Variants in RBMS3 observed in about 807,000 individuals in gnomAD.
RBMS3 encodes RNA-binding motif, single-stranded-interacting protein 3.
Under a neutral mutation model 66.8 loss-of-function variants are expected in RBMS3, and 27 were observed. The observed-to-expected ratio is 0.40, with a 90% CI of 0.30 to 0.56. RBMS3 has a LOEUF of 0.56. Ranked by LOEUF, RBMS3 falls within the 20% of genes least tolerant of loss-of-function variation. The pLI, the probability that RBMS3 is intolerant of heterozygous loss-of-function variation, is 0.40. For synonymous variants in RBMS3, 188 were observed against 183.0 expected (o/e 1.03, Z -0.22); for missense variants, 513 against 549.5 (o/e 0.93, Z 0.66).
At chr3:29,779,649 T>C (rs2371820) in intron 6 of RBMS3, among the ~76,000 whole-genome samples, 39,936 of 144,686 alleles carry the variant, frequency 0.28, 6,400 homozygotes, top group East Asian at 0.83. Context: ...TGAAGTCATA[T>C]AAAAAAGTCA....
chr3:29,805,563 T>A (rs1200698288), intron 6 of RBMS3, among the ~76,000 whole-genome samples: 1 of 151,962 alleles, frequency 6.6e-6, no homozygotes, highest in Non-Finnish European at 1.5e-5. Context: ...AAGACAGTAA[T>A]GTTGATGATC....
chr3:29,484,155 A>G (rs1181506095), intron 2 of RBMS3, among the ~76,000 whole-genome samples: 1 of 152,218 alleles, frequency 6.6e-6, no homozygotes, highest in Non-Finnish European at 1.5e-5. Context: ...TGAGCAAAGC[A>G]TTTTAGAAAG....
chr3:29,566,681 G>A (rs2046755324), intron 3 of RBMS3, among the ~76,000 whole-genome samples: 2 of 151,032 alleles, frequency 1.3e-5, no homozygotes. Flanking sequence ...TACATTGTGC[G>A]ATTCAATTAA....
At chr3:29,613,683 G>A (rs2048566228) in intron 4 of RBMS3, among the ~76,000 whole-genome samples, 1 of 151,950 alleles carries the variant, frequency 6.6e-6, no homozygotes, top group South Asian at 2.1e-4. Flanking sequence ...ATGGGAAAAG[G>A]ACCTGAATAG....
intron 6 of RBMS3, among the ~76,000 whole-genome samples, chr3:29,825,731 G>C (rs191560394): frequency 2.6e-5 from 4 of 152,214 alleles, no homozygotes; most frequent in Admixed American, 6.5e-5. Context: ...AGCAGTGTGA[G>C]AACAGACTAA....
At chr3:29,452,108 A>G (rs2042036077) in intron 2 of RBMS3, among the ~76,000 whole-genome samples, 1 of 152,184 alleles carries the variant, frequency 6.6e-6, no homozygotes, top group Non-Finnish European at 1.5e-5. Context: ...TTTAGGCATG[A>G]CGTCAGATAA....
chr3:29,693,355 G>C (rs78639657), intron 4 of RBMS3, among the ~76,000 whole-genome samples: 2 of 152,102 alleles, frequency 1.3e-5, no homozygotes, highest in East Asian at 3.9e-4. Context: ...TCATGCCTGA[G>C]GAATAATGTC....
intron 6 of RBMS3, among the ~76,000 whole-genome samples, chr3:29,834,480 A>G (rs1041042922): frequency 1.3e-5 from 2 of 151,942 alleles, no homozygotes; most frequent in African/African-American, 4.8e-5. Context: ...AAATTTGTGT[A>G]TGCAATTGTA....
intron 12 of RBMS3, among the ~76,000 whole-genome samples, chr3:29,969,058 GA>G (rs1180088647): frequency 6.7e-6 from 1 of 148,348 alleles, no homozygotes; most frequent in Non-Finnish European, 1.5e-5. Context: ...AGACAGTGGT[GA>G]AAATAATTAA....
chr3:29,316,844 G>C (rs1464013903), intron 1 of RBMS3, among the ~76,000 whole-genome samples: 1 of 151,568 alleles, frequency 6.6e-6, no homozygotes, highest in Non-Finnish European at 1.5e-5. Flanking sequence ...ACGCACTCAA[G>C]AGACATTTGT....
At chr3:29,435,355 A>T (rs9881357) in intron 2 of RBMS3, among the ~76,000 whole-genome samples, 7,506 of 152,230 alleles carry the variant, frequency 0.049, 620 homozygotes, top group African/African-American at 0.17. Context: ...GTGCTTGGTA[A>T]ATGTCCGTTC....
intron 1 of RBMS3, among the ~76,000 whole-genome samples, chr3:29,362,736 A>G (rs1241347185): frequency 1.3e-5 from 2 of 152,178 alleles, no homozygotes; most frequent in African/African-American, 2.4e-5. Flanking sequence ...TGAGCCATAT[A>G]TGGTGTACTG....
At chr3:29,502,509 A>G (rs546780460) in intron 3 of RBMS3, among the ~76,000 whole-genome samples, 1 of 152,110 alleles carries the variant, frequency 6.6e-6, no homozygotes, top group African/African-American at 2.4e-5. Flanking sequence ...AACATGTAGT[A>G]GTTCTTATTC....
chr3:29,885,248 G>A (rs1223250878), intron 8 of RBMS3, among the ~76,000 whole-genome samples: 1 of 151,788 alleles, frequency 6.6e-6, no homozygotes, highest in African/African-American at 2.4e-5. Flanking sequence ...AAACATTAAT[G>A]GTAGACTAGG....
chr3:29,468,577 C>T (rs2042615702), intron 2 of RBMS3, among the ~76,000 whole-genome samples: 1 of 152,046 alleles, frequency 6.6e-6, no homozygotes, highest in Non-Finnish European at 1.5e-5. Flanking sequence ...AAGATGGACA[C>T]TTAATTGTAT....
chr3:29,471,343 G>C (rs2042718834), intron 2 of RBMS3, among the ~76,000 whole-genome samples: 1 of 152,152 alleles, frequency 6.6e-6, no homozygotes, highest in African/African-American at 2.4e-5. Context: ...ATGCAATGTA[G>C]CTTTTCATTC....
chr3:29,528,539 C>T (rs1231322932), intron 3 of RBMS3, among the ~76,000 whole-genome samples: 1 of 152,162 alleles, frequency 6.6e-6, no homozygotes, highest in Non-Finnish European at 1.5e-5. Context: ...ATGTTGGTCA[C>T]TTAGAATGCT....
At chr3:29,486,978 G>GA (rs78003317) in intron 2 of RBMS3, among the ~76,000 whole-genome samples, 36,926 of 151,398 alleles carry the variant, frequency 0.24, 4,613 homozygotes, top group Admixed American at 0.3. Flanking sequence ...GCTTGGTGTG[G>GA]AAAAAAAAGA....
intron 3 of RBMS3, 87 bp from the exon 4 acceptor site, chr3:29,587,027 A>T: frequency 1.0e-6 from 1 of 984,198 alleles, no homozygotes; most frequent in Non-Finnish European, 1.5e-6. Context: ...AATGAATGCA[A>T]GTCTATCTGT....
Sources: allele counts gnomAD v4.1 joint callset (sites outside exome capture counted in the v4.1 genomes callset), GRCh38; gene constraint gnomAD v4.1.1; transcripts MANE v1.5; gene names NCBI Gene and HGNC (gene_info 2026-07-23, HGNC 2026-07-21).